Variants in BTAF1 observed in about 807,000 individuals in gnomAD.
BTAF1 encodes the protein TATA-binding protein-associated factor 172.
In BTAF1, 38 loss-of-function variants were observed where a neutral mutation model predicts 227.1. The observed-to-expected ratio is 0.17, with a 90% CI of 0.13 to 0.22. The LOEUF is 0.22. Among genes scored for constraint, BTAF1 ranks in the 10% least tolerant of loss-of-function variants. BTAF1 has a pLI of 1.00. For synonymous variants in BTAF1, 742 were observed against 751.9 expected, an observed-to-expected ratio of 0.99 and a Z score of 0.21; for missense variants, 1,598 against 2,204.0, an observed-to-expected ratio of 0.73 and a Z score of 5.51.
rs1479486126 is a variant in BTAF1 at position 92,031,133 on chromosome 10, CTT to C, written c.*2202_*2203del. On this transcript the variant is annotated 3_prime_UTR_variant, in exon 38 of 38. Coordinates refer to ENST00000265990, the MANE Select transcript of BTAF1 (RefSeq NM_003972.3). Reference sequence around the variant, plus strand: ...GTACTACTTCCCTTGGTTTTTGTGTCTTTATGATAGGAAATAGCAAACTGTTA... The same window carrying C: ...GTACTACTTCCCTTGGTTTTTGTGTCTATGATAGGAAATAGCAAACTGTTA... Among the ~76,000 whole-genome samples the C allele has an allele frequency of 1.3e-5, 2 of 152,044 alleles. No individual in the cohort carries two copies. The highest frequency in any genetic ancestry group is 6.6e-5 in the Admixed American group (1 of 15,258).
chr10:92,024,502 T>C (rs1330852546), intron 34 of BTAF1, among the ~76,000 whole-genome samples: 1 of 151,906 alleles, frequency 6.6e-6, no homozygotes, highest in Non-Finnish European at 1.5e-5. Context: ...CTGAGCAACA[T>C]AGTGAGATCT....
At position 92,027,292 on chromosome 10, in the gene BTAF1, C is replaced by T; in HGVS notation, c.5398C>T (p.Leu1800Phe). The change falls in exon 37 of 38, where the codon CTT becomes TTT. Residue 1800 changes from leucine (L) to phenylalanine (F), a missense_variant. Around this residue, in one of 10 missense-constraint regions of BTAF1, gnomAD observed 79 missense variants for 97.9 expected, o/e 0.81. Transcript: ENST00000265990. ...TGATCAGCTTCTTGATCTGTTTACTCTTGATAAGGTAAAGAACTTACACAA... is the reference window on the plus strand; with the variant it reads ...TGATCAGCTTCTTGATCTGTTTACTTTTGATAAGGTAAAGAACTTACACAA... Reference protein sequence around the residue: ...GTDQLLDLFTLDKDGKAEKAD... With the variant: ...GTDQLLDLFTFDKDGKAEKAD... 1 of 1,604,968 alleles carries T rather than the reference C, an allele frequency of 6.2e-7. No individual in the cohort carries two copies. Among genetic ancestry groups the T allele is most frequent in the Non-Finnish European group, 8.5e-7 (1 of 1,177,520 alleles).
chr10:91,994,180 G>C (rs1157690800), intron 22 of BTAF1, among the ~76,000 whole-genome samples: 1 of 152,008 alleles, frequency 6.6e-6, no homozygotes, highest in African/African-American at 2.4e-5. Context: ...TGGGCGTGTA[G>C]TCCCAGCTAC....
chr10:91,940,209 G>T, intron 3 of BTAF1, 143 bp downstream of exon 3: 6 of 345,946 alleles, frequency 1.7e-5, no homozygotes, highest in Admixed American at 4.3e-5. Context: ...AAATGATACT[G>T]AATAAGGTGA....
chr10:91,945,039 T>G (rs1425534605), intron 4 of BTAF1, among the ~76,000 whole-genome samples: 1 of 152,186 alleles, frequency 6.6e-6, no homozygotes, highest in Non-Finnish European at 1.5e-5. Flanking sequence ...CTTTATGATC[T>G]AGGTTTCTGT....
chr10:91,945,626 C>A (rs1299713162), intron 4 of BTAF1, among the ~76,000 whole-genome samples: 2 of 152,166 alleles, frequency 1.3e-5, no homozygotes, highest in Non-Finnish European at 2.9e-5. Flanking sequence ...AATTTCCTTT[C>A]TTTTTAAGGC....
rs562974443 is a variant in BTAF1 at position 91,992,162 on chromosome 10, G to C, written c.2898G>C (p.Lys966Asn). The C allele has an allele frequency of 1.9e-6, 3 of 1,611,254 alleles. No homozygotes were observed. In the African/African-American group the frequency reaches 4.0e-5, roughly 22 times the overall value. The part of the protein sequence containing the change: ...EKDGMHHTVT[K>N]HRGIITLYRH... ...ATGGAATGCACCATACTGTCACCAA[G>C]CACAGAGGTATAATTACACTCTACA... Residue 966 changes from lysine (K) to asparagine (N), a missense_variant, in exon 21 of 38, where the codon AAG becomes AAC. By Grantham distance (94) the Lys-to-Asn change is moderately conservative. Transcript: ENST00000265990.
At chr10:92,008,051 T>C in intron 25 of BTAF1, 72 bp from the exon 26 acceptor site, 1 of 1,321,404 alleles carries the variant, frequency 7.6e-7, no homozygotes, top group Non-Finnish European at 1.0e-6. Flanking sequence ...TGTGTTTGTT[T>C]TGTGTTTATT....
At chr10:91,977,903 G>A (rs991712377) in intron 14 of BTAF1, among the ~76,000 whole-genome samples, 1 of 152,148 alleles carries the variant, frequency 6.6e-6, no homozygotes, top group Non-Finnish European at 1.5e-5. Context: ...GAAGGGAAAA[G>A]TACAGTTTCC....
intron 20 of BTAF1, among the ~76,000 whole-genome samples, chr10:91,991,279 T>TATATATATATATATATATATAAATAA (rs1256838673): frequency 1.0e-5 from 1 of 98,426 alleles, no homozygotes; most frequent in Non-Finnish European, 2.3e-5. Flanking sequence ...TAAATATATA[T>TATATATATATATATATATATAAATAA]ATATATATAT....
At position 91,948,369 on chromosome 10, in the gene BTAF1, CTATTTATTTATT is replaced by C. The variant is rs59744946; in HGVS notation, c.401-3007_401-2996del. Among the ~76,000 whole-genome samples, 382 of 143,156 alleles carry C rather than the reference CTATTTATTTATT, an allele frequency of 2.7e-3. 1 individual carries two copies. Among genetic ancestry groups the C allele is most frequent in the African/African-American group, 8.8e-3 (342 of 38,858 alleles). The allele number at this position is 143,156 out of a possible 152,430, so 93.9% of individuals were successfully genotyped here. A position where few individuals can be genotyped will look rare whatever the true frequency, so the allele number is the denominator to read the frequency against. On this transcript the variant is annotated intron_variant, in intron 4 of 37. Transcript: ENST00000265990. ...GATACTATATTTTTCAGTTTTAGAACTATTTATTTATTTATTTATTTATTTATTTATTTATTT... is the reference window on the plus strand; with the variant it reads ...GATACTATATTTTTCAGTTTTAGAACTATTTATTTATTTATTTATTTATTT...
intron 1 of BTAF1, among the ~76,000 whole-genome samples, chr10:91,927,150 T>C (rs1843904788): frequency 1.3e-5 from 2 of 152,008 alleles, no homozygotes; most frequent in South Asian, 4.1e-4. Flanking sequence ...GATTTTTTTT[T>C]TTTTTGAGAC....
intron 13 of BTAF1, 30 bp downstream of exon 13, chr10:91,964,231 A>G (rs200484582): frequency 6.9e-6 from 11 of 1,602,330 alleles, no homozygotes; most frequent in Non-Finnish European, 9.4e-6. Flanking sequence ...GGAATAAAGT[A>G]AAAAGTCTTT....
intron 4 of BTAF1, among the ~76,000 whole-genome samples, chr10:91,942,781 A>T (rs1290212326): frequency 6.6e-6 from 1 of 152,174 alleles, no homozygotes; most frequent in Admixed American, 6.5e-5. Context: ...CCTTTAAGTG[A>T]ATATGTGCAT....
intron 33 of BTAF1, among the ~76,000 whole-genome samples, chr10:92,016,792 G>A (rs1387675460): frequency 6.6e-6 from 1 of 152,022 alleles, no homozygotes; most frequent in Non-Finnish European, 1.5e-5. Context: ...CTTTTTAAAT[G>A]TTGAATAATG....
At position 91,953,671 on chromosome 10, in the gene BTAF1, G is replaced by T. The variant is rs141999203; in HGVS notation, c.565-66G>T. ...ATTTATAGACTTGGTCTTCTTCTGAGGCTGAGACTATAGGTACTTATTTTA... is the reference window on the plus strand; with the variant it reads ...ATTTATAGACTTGGTCTTCTTCTGATGCTGAGACTATAGGTACTTATTTTA... On this transcript the variant is annotated intron_variant, in intron 5 of 37. Transcript: ENST00000265990. 8.4e-6 allele frequency: 13 copies of T among 1,541,306 alleles called. No homozygotes were observed. In the African/African-American group the frequency reaches 1.5e-4, roughly 18 times the overall value.
rs143168726 is a variant in BTAF1 at position 91,962,669 on chromosome 10, G to C, written c.1395G>C (p.Gln465His). Residue 465 changes from glutamine (Q) to histidine (H), a missense_variant, in exon 12 of 38, where the codon CAG becomes CAC. This residue lies in a region of BTAF1 where 318 missense variants were observed against 435.0 expected (regional missense o/e 0.73). Coordinates refer to ENST00000265990, the MANE Select transcript of BTAF1 (RefSeq NM_003972.3). The stretch of plus-strand genomic sequence containing the variant: ...TAGTAGAAAGCCTTGTCTATCTTCA[G>C]ACACAAAAGGTAAATTAAATATTTT... The part of the protein sequence containing the change: ...VPVVESLVYL[Q>H]TQKVPFIINT... 17 of 1,589,030 alleles carry C rather than the reference G, an allele frequency of 1.1e-5. No individual in the cohort carries two copies. The highest frequency in any genetic ancestry group is 1.5e-5 in the Non-Finnish European group (17 of 1,170,872).
At chr10:91,972,352 C>A (rs1014846286) in intron 14 of BTAF1, among the ~76,000 whole-genome samples, 1 of 152,110 alleles carries the variant, frequency 6.6e-6, no homozygotes, top group African/African-American at 2.4e-5. Flanking sequence ...GGACATGGCT[C>A]CTTGCTCCCT....
At chr10:91,952,335 C>G (rs1395336340) in intron 5 of BTAF1, among the ~76,000 whole-genome samples, 2 of 152,148 alleles carry the variant, frequency 1.3e-5, no homozygotes, top group African/African-American at 2.4e-5. Flanking sequence ...TCCTCTTCCT[C>G]TATTCCAGTT....
Sources: allele counts gnomAD v4.1 joint callset (sites outside exome capture counted in the v4.1 genomes callset), GRCh38; gene constraint gnomAD v4.1.1; regional missense constraint gnomAD v4.1.1; transcripts MANE v1.5; gene names NCBI Gene and HGNC (gene_info 2026-07-23, HGNC 2026-07-21).